Variants in SCAPER observed in about 807,000 individuals in gnomAD.
SCAPER encodes the protein S-phase cyclin A associated protein in the ER.
In SCAPER, 98 loss-of-function variants were observed where a neutral mutation model predicts 182.2. That is an observed-to-expected ratio of 0.54 (90% CI 0.46 to 0.64). The LOEUF (loss-of-function observed/expected upper bound fraction) is 0.64, where lower values mean the gene tolerates loss of function less well. Ranked by LOEUF, SCAPER falls within the 30% of genes least tolerant of loss-of-function variation. The pLI is 0.00. For missense variants in SCAPER, 1,432 were observed against 1,690.0 expected, an observed-to-expected ratio of 0.85 and a Z score of 2.68; for synonymous variants, 605 against 564.6, an observed-to-expected ratio of 1.07 and a Z score of -1.01.
chr15:76,871,056 C>A (rs1337002955), intron 2 of SCAPER, among the ~76,000 whole-genome samples: 2 of 152,094 alleles, frequency 1.3e-5, no homozygotes, highest in Non-Finnish European at 2.9e-5. Context: ...CAAGAAAATA[C>A]CTTCAAAGTG....
chr15:76,721,022 A>T (rs1022593825), intron 17 of SCAPER, among the ~76,000 whole-genome samples: 1 of 152,016 alleles, frequency 6.6e-6, no homozygotes, highest in South Asian at 2.1e-4. Context: ...CTGAATGGTA[A>T]TGCCTAGGTT....
chr15:76,785,142 G>A (rs980123421), intron 8 of SCAPER, among the ~76,000 whole-genome samples: 1 of 152,066 alleles, frequency 6.6e-6, no homozygotes, highest in Non-Finnish European at 1.5e-5. Flanking sequence ...CTGACAAAGG[G>A]CTAATATCTA....
chr15:76,692,843 C>T (rs765481061), intron 20 of SCAPER, among the ~76,000 whole-genome samples: 1 of 149,348 alleles, frequency 6.7e-6, no homozygotes, highest in Non-Finnish European at 1.5e-5. Context: ...AAAAATAAAG[C>T]GACAATAGAC....
At chr15:76,458,985 C>G (rs1044910090) in intron 25 of SCAPER, among the ~76,000 whole-genome samples, 1 of 152,166 alleles carries the variant, frequency 6.6e-6, no homozygotes, top group Non-Finnish European at 1.5e-5. Context: ...GCCTTGACCT[C>G]CTGGGCTCAA....
chr15:76,790,343 C>G (rs1409640203), intron 8 of SCAPER, among the ~76,000 whole-genome samples: 3 of 151,840 alleles, frequency 2.0e-5, no homozygotes, highest in Non-Finnish European at 4.4e-5. Context: ...TCTTTTTTAT[C>G]CTCAGGAAGA....
At chr15:76,584,754 G>A (rs749520000) in intron 22 of SCAPER, among the ~76,000 whole-genome samples, 6 of 152,022 alleles carry the variant, frequency 3.9e-5, no homozygotes, top group Admixed American at 1.3e-4. Flanking sequence ...GTCTTGCTAT[G>A]TTGCCCACAC....
At chr15:76,694,589 G>T (rs2058554751) in intron 20 of SCAPER, among the ~76,000 whole-genome samples, 1 of 151,896 alleles carries the variant, frequency 6.6e-6, no homozygotes, top group Admixed American at 6.6e-5. Flanking sequence ...CACAAAAAAA[G>T]ACAGAAAACA....
At chr15:76,684,897 T>C (rs2057940676) in intron 20 of SCAPER, among the ~76,000 whole-genome samples, 1 of 151,832 alleles carries the variant, frequency 6.6e-6, no homozygotes, top group Admixed American at 6.6e-5. Flanking sequence ...AAAAAAGAGT[T>C]CCTAACTTAT....
chr15:76,349,651 T>C (rs988346013), intron 31 of SCAPER: 1 of 56,670 alleles, frequency 1.8e-5, no homozygotes, highest in Non-Finnish European at 4.6e-5. Context: ...AACTTAGGCA[T>C]CATCATTAAA....
At chr15:76,473,814 A>T (rs1046999737) in intron 24 of SCAPER, among the ~76,000 whole-genome samples, 16 of 151,882 alleles carry the variant, frequency 1.1e-4, no homozygotes, top group Middle Eastern at 3.4e-3. Context: ...TATTATTATT[A>T]TTTTTTGAGA....
chr15:76,421,890 A>T (rs2046071422), intron 26 of SCAPER, among the ~76,000 whole-genome samples: 1 of 152,254 alleles, frequency 6.6e-6, no homozygotes, highest in African/African-American at 2.4e-5. Context: ...TCCTTTCCCC[A>T]TTGCTTGTTT....
intron 25 of SCAPER, among the ~76,000 whole-genome samples, chr15:76,435,937 T>C (rs1168262137): frequency 6.6e-6 from 1 of 152,246 alleles, no homozygotes; most frequent in Admixed American, 6.5e-5. Flanking sequence ...GTATAGATTT[T>C]CTTTTATTTA....
At chr15:76,637,913 G>A (rs773825004) in intron 21 of SCAPER, among the ~76,000 whole-genome samples, 4 of 151,498 alleles carry the variant, frequency 2.6e-5, no homozygotes, top group Non-Finnish European at 4.4e-5. Context: ...ATAACATACT[G>A]CTCATTTGTA....
chr15:76,898,325 T>TG (rs770151821), intron 1 of SCAPER, among the ~76,000 whole-genome samples: 196 of 152,322 alleles, frequency 1.3e-3, no homozygotes, highest in Admixed American at 5.8e-3. Flanking sequence ...ACAGCTGGTT[T>TG]GGTAACAATC....
At position 76,544,253 on chromosome 15, in the gene SCAPER, T is replaced by C. The variant is rs77818382; in HGVS notation, c.2838+29905A>G. 2.0e-3 allele frequency among the ~76,000 whole-genome samples: 299 copies of C among 152,276 alleles called. 3 individuals carry two copies. Among genetic ancestry groups the C allele is most frequent in the African/African-American group, 6.5e-3 (270 of 41,570 alleles). ...AGTGAAACAGGTGCTTTGGAAAAAT[T>C]TGCCAGTTTCTTGCAAGTTTAGTAC... On this transcript the variant is annotated intron_variant, in intron 23 of 31. Coordinates refer to ENST00000563290, the MANE Select transcript of SCAPER (RefSeq NM_020843.4).
chr15:76,838,316 C>G (rs2069131302), intron 5 of SCAPER, among the ~76,000 whole-genome samples: 2 of 152,114 alleles, frequency 1.3e-5, no homozygotes, highest in Admixed American at 6.6e-5. Flanking sequence ...AACCAAGTAC[C>G]AAGCTCTCTC....
chr15:76,450,185 T>C (rs2048280462), intron 25 of SCAPER, among the ~76,000 whole-genome samples: 1 of 152,218 alleles, frequency 6.6e-6, no homozygotes, highest in African/African-American at 2.4e-5. Context: ...ATGTCTACTA[T>C]AGCATATTCT....
At chr15:76,876,011 G>T (rs1019232812) in intron 2 of SCAPER, among the ~76,000 whole-genome samples, 5 of 152,318 alleles carry the variant, frequency 3.3e-5, no homozygotes, top group African/African-American at 9.6e-5. Flanking sequence ...GAAATCGAGC[G>T]CAGCGCCAGT....
chr15:76,817,453 T>C (rs2067179487), intron 5 of SCAPER, among the ~76,000 whole-genome samples: 1 of 152,114 alleles, frequency 6.6e-6, no homozygotes, highest in Non-Finnish European at 1.5e-5. Flanking sequence ...GATTAAAGGA[T>C]ACAAACTTCT....
Sources: gnomAD v4.1 joint callset for allele counts (sites outside exome capture counted in the v4.1 genomes callset) on GRCh38, gnomAD v4.1.1 for gene constraint, MANE v1.5 for transcripts, NCBI Gene and HGNC (gene_info 2026-07-23, HGNC 2026-07-21) for gene names.